The following PROS1 variants were observed in gnomAD, a reference collection of about 807,000 sequenced individuals.
PROS1 encodes the protein protein S.
PROS1 carries 29 observed loss-of-function variants against 75.9 expected under a neutral mutation model. The observed-to-expected ratio is 0.38, with a 90% CI of 0.28 to 0.52. The LOEUF (loss-of-function observed/expected upper bound fraction) is 0.52. PROS1 is among the 20% of genes least tolerant of loss of function. PROS1 has a pLI of 0.83. For synonymous variants in PROS1, 245 were observed against 280.6 expected (o/e 0.87, Z 1.27); for missense variants, 680 against 810.3 (o/e 0.84, Z 1.95).
At chr3:93,928,747 C>A (rs1301649180) in intron 1 of PROS1, 2 of 1,296,540 alleles carry the variant, frequency 1.5e-6, no homozygotes, top group Non-Finnish European at 2.0e-6. Context: ...CCGACCAATA[C>A]AGAAATGCAT....
intron 1 of PROS1, among the ~76,000 whole-genome samples, chr3:93,930,070 C>G (rs144164316): frequency 6.6e-6 from 1 of 152,278 alleles, no homozygotes; most frequent in Non-Finnish European, 1.5e-5. Flanking sequence ...AGTAATATTA[C>G]TTTATTTCTC....
At chr3:93,965,670 C>G (rs1165039000) in intron 1 of PROS1, among the ~76,000 whole-genome samples, 1 of 152,060 alleles carries the variant, frequency 6.6e-6, no homozygotes. Flanking sequence ...AAGGACCCCC[C>G]GGTAACAACC....
At chr3:93,921,513 G>C (rs977146880) in intron 3 of PROS1, among the ~76,000 whole-genome samples, 11 of 152,022 alleles carry the variant, frequency 7.2e-5, no homozygotes, top group African/African-American at 2.4e-4. Flanking sequence ...TCTGGGTTTC[G>C]GGAGAAATAG....
intron 1 of PROS1, among the ~76,000 whole-genome samples, chr3:93,946,143 A>G (rs1395230105): frequency 6.6e-6 from 1 of 152,218 alleles, no homozygotes; most frequent in East Asian, 1.9e-4. Context: ...CCACTCCTCA[A>G]TGAAATAAAA....
intron 1 of PROS1, chr3:93,928,877 A>C: frequency 1.0e-5 from 5 of 501,710 alleles, no homozygotes; most frequent in Non-Finnish European, 1.6e-5. Flanking sequence ...TAAAGTGTTC[A>C]AATCAAACTA....
intron 1 of PROS1, among the ~76,000 whole-genome samples, chr3:93,972,923 A>G (rs1709901772): frequency 6.6e-6 from 1 of 152,196 alleles, no homozygotes; most frequent in African/African-American, 2.4e-5. Context: ...ACTGACCACT[A>G]AAATGTACTA....
intron 1 of PROS1, among the ~76,000 whole-genome samples, chr3:93,969,541 G>A (rs1709842893): frequency 6.6e-6 from 1 of 152,044 alleles, no homozygotes; most frequent in South Asian, 2.1e-4. Flanking sequence ...AAATGATCAG[G>A]GCCTCCTAGG....
At chr3:93,957,181 T>G (rs1196382875) in intron 1 of PROS1, among the ~76,000 whole-genome samples, 1 of 152,164 alleles carries the variant, frequency 6.6e-6, no homozygotes, top group African/African-American at 2.4e-5. Flanking sequence ...ATATAGACTT[T>G]AACTTACTGA....
intron 9 of PROS1, among the ~76,000 whole-genome samples, chr3:93,894,654 A>G (rs1311972343): frequency 6.6e-6 from 1 of 152,164 alleles, no homozygotes; most frequent in East Asian, 1.9e-4. Context: ...CTTTTTCACA[A>G]GCATGGTAAA....
intron 8 of PROS1, 27 bp from the exon 9 acceptor site, chr3:93,896,718 A>G (rs773087690): frequency 8.5e-6 from 13 of 1,520,586 alleles, no homozygotes; most frequent in South Asian, 1.1e-5. Context: ...CAAATAAACA[A>G]CAAGAAAATC....
chr3:93,916,292 C>T (rs1005958713), intron 3 of PROS1, among the ~76,000 whole-genome samples: 3 of 152,112 alleles, frequency 2.0e-5, no homozygotes, highest in African/African-American at 4.8e-5. Flanking sequence ...TTAGAATCAT[C>T]GTTTTTGAGA....
chr3:93,945,039 C>T (rs2107232210), intron 1 of PROS1, among the ~76,000 whole-genome samples: 1 of 152,248 alleles, frequency 6.6e-6, no homozygotes. Flanking sequence ...CTATGAACAC[C>T]TCTATGCAAA....
intron 10 of PROS1, among the ~76,000 whole-genome samples, chr3:93,891,250 A>G (rs1708427315): frequency 6.6e-6 from 1 of 152,174 alleles, no homozygotes; most frequent in African/African-American, 2.4e-5. Context: ...TCTCTCAGCT[A>G]TCCTCTGCTG....
chr3:93,881,386 G>A (rs1207069989), intron 12 of PROS1, among the ~76,000 whole-genome samples: 4 of 151,962 alleles, frequency 2.6e-5, no homozygotes, highest in Non-Finnish European at 5.9e-5. Flanking sequence ...AGGAGGGTAG[G>A]GGTTGAAAAA....
chr3:93,961,005 C>T (rs1357139693), intron 1 of PROS1, among the ~76,000 whole-genome samples: 1 of 151,286 alleles, frequency 6.6e-6, no homozygotes, highest in African/African-American at 2.4e-5. Context: ...AAACACTTTT[C>T]TAAATTATCC....
intron 6 of PROS1, among the ~76,000 whole-genome samples, chr3:93,903,904 C>A (rs931987526): frequency 6.6e-6 from 1 of 151,550 alleles, no homozygotes; most frequent in African/African-American, 2.4e-5. Flanking sequence ...CATGCTGGCA[C>A]GCTGCACCCA....
chr3:93,961,126 A>G (rs1709700804), intron 1 of PROS1, among the ~76,000 whole-genome samples: 1 of 152,192 alleles, frequency 6.6e-6, no homozygotes, highest in Non-Finnish European at 1.5e-5. Flanking sequence ...GTCTTTGGAT[A>G]GATCACCTGG....
intron 6 of PROS1, among the ~76,000 whole-genome samples, chr3:93,903,488 A>C (rs2070232383): frequency 6.6e-6 from 1 of 151,726 alleles, no homozygotes. Context: ...GTATGACAAA[A>C]CTCCATCTGT....
chr3:93,880,515 A>G lies in PROS1; in HGVS notation c.1493-1201T>C, dbSNP rs1354569310. On this transcript the variant is annotated intron_variant, in intron 12 of 14. Transcript: ENST00000394236. Reference sequence around the variant, plus strand: ...AGTGAGACTCTGTCTCCAAAAAAAAAAGAATGTTTATATGTAATCATTGTG... The same window carrying G: ...AGTGAGACTCTGTCTCCAAAAAAAAGAGAATGTTTATATGTAATCATTGTG... Among the ~76,000 whole-genome samples the G allele has an allele frequency of 2.0e-5, 3 of 152,280 alleles. No homozygotes were observed. The South Asian group carries it at 6.2e-4, about 32-fold the overall frequency.
Sources: allele counts gnomAD v4.1 joint callset (sites outside exome capture counted in the v4.1 genomes callset), GRCh38; gene constraint gnomAD v4.1.1; transcripts MANE v1.5; gene names NCBI Gene and HGNC (gene_info 2026-07-23, HGNC 2026-07-21).